ADARB2: variants seen among roughly 807,000 people sequenced by gnomAD.
ADARB2 encodes the protein inactive double-stranded RNA-specific editase B2.
In ADARB2, 25 loss-of-function variants were observed where a neutral mutation model predicts 62.2. The observed-to-expected ratio is 0.40, with a 90% CI of 0.29 to 0.56. The LOEUF (loss-of-function observed/expected upper bound fraction) is 0.56, where lower values mean the gene tolerates loss of function less well. Among genes scored for constraint, ADARB2 ranks in the 20% least tolerant of loss-of-function variants. The probability of loss-of-function intolerance (pLI) is 0.43; values close to 1 mark genes in which losing one functional copy is unlikely to be tolerated. For synonymous variants in ADARB2, 572 were observed against 500.8 expected, an observed-to-expected ratio of 1.14 and a Z score of -1.90; for missense variants, 1,071 against 1,077.4, an observed-to-expected ratio of 0.99 and a Z score of 0.08.
At chr10:1,220,630 T>C (rs1388754030) in intron 6 of ADARB2, among the ~76,000 whole-genome samples, 1 of 152,184 alleles carries the variant, frequency 6.6e-6, no homozygotes, top group Non-Finnish European at 1.5e-5. Context: ...ATTTGGGGGA[T>C]ATTTTCTCAG....
At chr10:1,530,367 C>T (rs1832215560) in intron 1 of ADARB2, among the ~76,000 whole-genome samples, 1 of 152,256 alleles carries the variant, frequency 6.6e-6, no homozygotes, top group Admixed American at 6.5e-5. Flanking sequence ...CACTTGCGTC[C>T]TGGGTTTCCT....
chr10:1,403,162 C>T (rs917678153), intron 1 of ADARB2, among the ~76,000 whole-genome samples: 1 of 152,208 alleles, frequency 6.6e-6, no homozygotes, highest in Admixed American at 6.5e-5. Flanking sequence ...AGCCGCTGCT[C>T]AACTCGTTTT....
At chr10:1,351,516 T>C (rs1273190086) in intron 3 of ADARB2, among the ~76,000 whole-genome samples, 1 of 152,092 alleles carries the variant, frequency 6.6e-6, no homozygotes, top group African/African-American at 2.4e-5. Flanking sequence ...GCCGAGACAC[T>C]TTAAATTATC....
At chr10:1,612,519 C>G (rs7476492) in intron 1 of ADARB2, among the ~76,000 whole-genome samples, 108,060 of 152,258 alleles carry the variant, frequency 0.71, 38,440 homozygotes, top group African/African-American at 0.77. Context: ...TAATATTACT[C>G]ATCTTCCCAA....
rs570488237 is a variant in ADARB2 at position 1,259,653 on chromosome 10, A to G, written c.1192+11302T>C. ...TAACAGGCTGTGAAATTGAGGCAAT[A>G]ATTAATAGCTTACCAACCAAAAAAA... On this transcript the variant is annotated intron_variant, in intron 4 of 9. Coordinates refer to ENST00000381312, the MANE Select transcript of ADARB2 (RefSeq NM_018702.4). 9.7e-4 allele frequency among the ~76,000 whole-genome samples: 148 copies of G among 152,336 alleles called. 1 individual carries two copies. The Middle Eastern group carries it at 0.01, about 11-fold the overall frequency.
chr10:1,512,552 A>C (rs1482883273), intron 1 of ADARB2, among the ~76,000 whole-genome samples: 1 of 152,262 alleles, frequency 6.6e-6, no homozygotes, highest in Non-Finnish European at 1.5e-5. Flanking sequence ...AGAAGGCTGA[A>C]GTCCAAAGAG....
At position 1,376,664 on chromosome 10, in the gene ADARB2, G is replaced by A. The variant is rs549321013; in HGVS notation, c.187+2410C>T. On this transcript the variant is annotated intron_variant, in intron 2 of 9. Coordinates refer to ENST00000381312, the MANE Select transcript of ADARB2 (RefSeq NM_018702.4). The stretch of plus-strand genomic sequence containing the variant: ...TAGTTGCTACAGAAAGGCGGCTGCT[G>A]CACCTCTGTAAGTTTGAAACCATTC... Among the ~76,000 whole-genome samples the A allele has an allele frequency of 4.3e-4, 65 of 152,284 alleles. 2 individuals are homozygous for A. The South Asian group carries it at 7.7e-3, about 18-fold the overall frequency.
chr10:1,384,414 T>A (rs1382174412), intron 1 of ADARB2, among the ~76,000 whole-genome samples: 2 of 152,136 alleles, frequency 1.3e-5, no homozygotes, highest in Non-Finnish European at 2.9e-5. Flanking sequence ...TGTGAAGTGA[T>A]CTTGAGCCCA....
Position 1,577,231 on chromosome 10 carries a change from T to C in ADARB2, c.100+159820A>G, listed in dbSNP as rs200368630. Among the ~76,000 whole-genome samples, 21 of 77,124 alleles carry C rather than the reference T, an allele frequency of 2.7e-4. 1 individual carries two copies. The highest frequency in any genetic ancestry group is 4.3e-4 in the South Asian group (1 of 2,302). 50.6% of individuals were successfully genotyped at this position (77,124 alleles called of 152,430 possible). A position where few individuals can be genotyped will look rare whatever the true frequency, so the allele number is the denominator to read the frequency against. On this transcript the variant is annotated intron_variant, in intron 1 of 9. Coordinates refer to ENST00000381312, the MANE Select transcript of ADARB2 (RefSeq NM_018702.4). ...GTGGGTGGAAAGAAGCTCAGGTGCA[T>C]CCTGGTGCAAAGCTGTCCCGGAAAC...
At position 1,187,331 on chromosome 10, in the gene ADARB2, G is replaced by A. The variant is rs1396924065; in HGVS notation, c.1865-2292C>T. On this transcript the variant is annotated intron_variant, in intron 8 of 9. Transcript: ENST00000381312. ...CACTACCCTGATCTGCGTGCACTGGGCAGCCTCCCCTCCTCCTCCCACTCC... is the reference window on the plus strand; with the variant it reads ...CACTACCCTGATCTGCGTGCACTGGACAGCCTCCCCTCCTCCTCCCACTCC... Among the ~76,000 whole-genome samples, 19 of 152,240 alleles carry A rather than the reference G, an allele frequency of 1.2e-4. No homozygotes were observed. The East Asian group carries it at 3.7e-3, about 29-fold the overall frequency.
At chr10:1,445,669 G>A (rs544758421) in intron 1 of ADARB2, among the ~76,000 whole-genome samples, 49 of 152,336 alleles carry the variant, frequency 3.2e-4, no homozygotes, top group African/African-American at 1.2e-3. Context: ...TTTTAGTTGA[G>A]AAAATTAAAA....
intron 1 of ADARB2, among the ~76,000 whole-genome samples, chr10:1,419,529 G>T (rs1283353177): frequency 6.6e-6 from 1 of 152,114 alleles, no homozygotes; most frequent in Non-Finnish European, 1.5e-5. Flanking sequence ...GCAAAACCAC[G>T]GGCCACTTTA....
chr10:1,405,090 G>A (rs534971798), intron 1 of ADARB2, among the ~76,000 whole-genome samples: 6 of 152,268 alleles, frequency 3.9e-5, no homozygotes, highest in African/African-American at 1.2e-4. Flanking sequence ...GGGGTCATGC[G>A]GGGGCCCAGC....
chr10:1,486,562 G>C (rs1404464364), intron 1 of ADARB2, among the ~76,000 whole-genome samples: 1 of 152,150 alleles, frequency 6.6e-6, no homozygotes, highest in Non-Finnish European at 1.5e-5. Flanking sequence ...TAAGCAGTTA[G>C]GGCTGCTTTC....
intron 1 of ADARB2, among the ~76,000 whole-genome samples, chr10:1,686,626 G>A (rs371641950): frequency 1.3e-5 from 2 of 152,170 alleles, no homozygotes; most frequent in Non-Finnish European, 2.9e-5. Context: ...CACACAATTA[G>A]CTGATGCCAT....
At chr10:1,547,990 C>T (rs992591683) in intron 1 of ADARB2, among the ~76,000 whole-genome samples, 2 of 151,952 alleles carry the variant, frequency 1.3e-5, no homozygotes, top group Admixed American at 1.3e-4. Flanking sequence ...ACTTGCTTGA[C>T]CATATAGTTT....
At chr10:1,483,450 C>T (rs1348906306) in intron 1 of ADARB2, among the ~76,000 whole-genome samples, 2 of 152,164 alleles carry the variant, frequency 1.3e-5, no homozygotes, top group African/African-American at 4.8e-5. Context: ...ATGGTACAGT[C>T]GTTTCGTCCT....
At chr10:1,710,658 C>G (rs531402663) in intron 1 of ADARB2, among the ~76,000 whole-genome samples, 1 of 152,256 alleles carries the variant, frequency 6.6e-6, no homozygotes, top group Non-Finnish European at 1.5e-5. Flanking sequence ...TCACACCACA[C>G]TACCATCAGC....
rs140028838 is a variant in ADARB2 at position 1,233,811 on chromosome 10, C to T, written c.1396G>A (p.Val466Met). ...RREDSERSIFVRLKEGGYRLR... is the reference protein window; with the variant it reads ...RREDSERSIFMRLKEGGYRLR... ...CGGTAGCCACCTTCTTTTAACCGCA[C>T]GAATATCGATCGCTCTGAGTCCTCG... The change falls in exon 6 of 10, where the codon GTG becomes ATG. Residue 466 changes from valine to methionine, a missense_variant. Coordinates refer to ENST00000381312, the MANE Select transcript of ADARB2 (RefSeq NM_018702.4). The T allele has an allele frequency of 1.3e-4, 202 of 1,614,000 alleles. No homozygotes were observed. Among genetic ancestry groups the T allele is most frequent in the Middle Eastern group, 9.9e-4 (6 of 6,062 alleles).
Sources: gnomAD v4.1 joint callset for allele counts (sites outside exome capture counted in the v4.1 genomes callset) on GRCh38, gnomAD v4.1.1 for gene constraint, MANE v1.5 for transcripts, NCBI Gene and HGNC (gene_info 2026-07-23, HGNC 2026-07-21) for gene names.